Variants in ATXN1 observed in about 807,000 individuals in gnomAD.
ATXN1 encodes the protein ataxin 1, also known as ataxin-1.
In ATXN1, 8 loss-of-function variants were observed where a neutral mutation model predicts 56.4. That is an observed-to-expected ratio of 0.14 (90% CI 0.08 to 0.26). The LOEUF is 0.26. Among genes scored for constraint, ATXN1 ranks in the 10% least tolerant of loss-of-function variants. The probability of loss-of-function intolerance (pLI) is 1.00; values close to 1 mark genes in which losing one functional copy is unlikely to be tolerated. For synonymous variants in ATXN1, 514 were observed against 494.6 expected, an observed-to-expected ratio of 1.04 and a Z score of -0.52; for missense variants, 987 against 1,106.5, an observed-to-expected ratio of 0.89 and a Z score of 1.53.
chr6:16,674,731 G>T (rs1323253934), intron 2 of ATXN1, among the ~76,000 whole-genome samples: 2 of 151,972 alleles, frequency 1.3e-5, no homozygotes, highest in Non-Finnish European at 2.9e-5. Flanking sequence ...CAATCAGAAG[G>T]TTTAGCACAG....
intron 7 of ATXN1, among the ~76,000 whole-genome samples, chr6:16,316,146 T>C (rs1760503905): frequency 1.3e-5 from 2 of 152,144 alleles, no homozygotes; most frequent in Admixed American, 1.3e-4. Flanking sequence ...CATAGGAGCG[T>C]GAACCCTATT....
chr6:16,577,068 G>C (rs1050888063), intron 4 of ATXN1, among the ~76,000 whole-genome samples: 2 of 152,132 alleles, frequency 1.3e-5, no homozygotes, highest in Non-Finnish European at 2.9e-5. Flanking sequence ...TCTTCATCAT[G>C]TGGCATGCTA....
intron 6 of ATXN1, among the ~76,000 whole-genome samples, chr6:16,330,069 T>TTTTC (rs10588280): frequency 0.011 from 1,658 of 151,414 alleles, 11 homozygotes; most frequent in South Asian, 0.031. Flanking sequence ...AATGATCTGA[T>TTTTC]TTTCTTTCTT....
At chr6:16,461,634 C>T (rs1044989110) in intron 6 of ATXN1, among the ~76,000 whole-genome samples, 1 of 152,160 alleles carries the variant, frequency 6.6e-6, no homozygotes, top group Non-Finnish European at 1.5e-5. Context: ...CCCTGCAAGA[C>T]GGAGAAGGCT....
At chr6:16,396,458 T>C (rs530751825) in intron 6 of ATXN1, among the ~76,000 whole-genome samples, 1 of 152,240 alleles carries the variant, frequency 6.6e-6, no homozygotes, top group Non-Finnish European at 1.5e-5. Flanking sequence ...AAAGAAAATA[T>C]TCTTGTACAG....
At chr6:16,358,195 C>G (rs774525782) in intron 6 of ATXN1, among the ~76,000 whole-genome samples, 7 of 152,180 alleles carry the variant, frequency 4.6e-5, no homozygotes, top group Admixed American at 4.6e-4. Context: ...AACGGGAACA[C>G]TTTTACATTG....
intron 6 of ATXN1, among the ~76,000 whole-genome samples, chr6:16,393,100 A>G (rs897328870): frequency 6.6e-6 from 1 of 152,204 alleles, no homozygotes; most frequent in African/African-American, 2.4e-5. Context: ...GCAAAACACA[A>G]GCACATATTG....
chr6:16,408,992 A>G (rs897452344), intron 6 of ATXN1, among the ~76,000 whole-genome samples: 14 of 152,232 alleles, frequency 9.2e-5, no homozygotes, highest in Admixed American at 2.6e-4. Context: ...GACTGAACAA[A>G]TAAAAAGAAT....
intron 3 of ATXN1, among the ~76,000 whole-genome samples, chr6:16,629,929 A>T (rs1391253658): frequency 1.3e-5 from 2 of 151,704 alleles, no homozygotes; most frequent in Admixed American, 1.3e-4. Flanking sequence ...AAAAAAAAAA[A>T]ATTCAAAAAT....
At chr6:16,361,912 A>G (rs1482172373) in intron 6 of ATXN1, among the ~76,000 whole-genome samples, 1 of 152,216 alleles carries the variant, frequency 6.6e-6, no homozygotes, top group Non-Finnish European at 1.5e-5. Flanking sequence ...GGCTGTGGGC[A>G]TGTGGCCATA....
At chr6:16,569,343 A>C (rs994273883) in intron 4 of ATXN1, among the ~76,000 whole-genome samples, 1 of 152,016 alleles carries the variant, frequency 6.6e-6, no homozygotes, top group Non-Finnish European at 1.5e-5. Flanking sequence ...ACATGGTGAA[A>C]CCTCGTCTCT....
At chr6:16,488,721 T>C (rs900398847) in intron 5 of ATXN1, among the ~76,000 whole-genome samples, 2 of 152,146 alleles carry the variant, frequency 1.3e-5, no homozygotes, top group African/African-American at 4.8e-5. Flanking sequence ...CTGAAACAAA[T>C]ATGCCAAACT....
At chr6:16,441,655 A>G (rs1411109076) in intron 6 of ATXN1, among the ~76,000 whole-genome samples, 5 of 152,224 alleles carry the variant, frequency 3.3e-5, no homozygotes, top group Admixed American at 6.5e-5. Flanking sequence ...GGAGAAAAGA[A>G]ATAGTTGGAT....
chr6:16,415,422 G>A (rs1430151126), intron 6 of ATXN1, among the ~76,000 whole-genome samples: 1 of 152,190 alleles, frequency 6.6e-6, no homozygotes, highest in Non-Finnish European at 1.5e-5. Flanking sequence ...GAGAGATGGG[G>A]TTTGGCCATG....
rs572397888 is a variant in ATXN1, at chr6:16,702,534, C to T, written c.-614-44633G>A. ...TCTGCACAGCCAAAGAAACTACCAT[C>T]GGAGTGAACAGGCAACCTACAGAAT... On this transcript the variant is annotated intron_variant, in intron 2 of 7. Transcript: ENST00000436367. 9.2e-5 allele frequency among the ~76,000 whole-genome samples: 14 copies of T among 152,288 alleles called. No homozygotes were observed. The East Asian group carries it at 1.9e-3, about 21-fold the overall frequency.
In ATXN1 at chr6:16,750,409, A is replaced by G. The variant is rs578204398; in HGVS notation, c.-615+2824T>C. On this transcript the variant is annotated intron_variant, in intron 2 of 7. Transcript: ENST00000436367. ...ATTTATAAAATAACTAGAACCAGAAAGAACTATAATGTAGGTTTAAGAAAA... is the reference window on the plus strand; with the variant it reads ...ATTTATAAAATAACTAGAACCAGAAGGAACTATAATGTAGGTTTAAGAAAA... Among the ~76,000 whole-genome samples, 42 of 152,372 alleles carry G rather than the reference A, an allele frequency of 2.8e-4. 1 individual carries two copies. In the South Asian group the frequency reaches 8.5e-3, roughly 31 times the overall value.
intron 2 of ATXN1, among the ~76,000 whole-genome samples, chr6:16,724,416 T>C (rs1001779328): frequency 7.2e-5 from 11 of 152,158 alleles, no homozygotes; most frequent in Admixed American, 5.2e-4. Context: ...GTATCTTTCA[T>C]GACAATGGCC....
chr6:16,623,777 TG>T (rs1763359889), intron 3 of ATXN1, among the ~76,000 whole-genome samples: 1 of 152,236 alleles, frequency 6.6e-6, no homozygotes, highest in South Asian at 2.1e-4. Flanking sequence ...AAAAAAGGAT[TG>T]GTTTTACTGT....
intron 2 of ATXN1, among the ~76,000 whole-genome samples, chr6:16,740,928 C>A (rs1760318838): frequency 6.6e-6 from 1 of 152,184 alleles, no homozygotes. Context: ...TTCACCATTC[C>A]AGCTCCATCT....
Sources: allele counts gnomAD v4.1 joint callset (sites outside exome capture counted in the v4.1 genomes callset), GRCh38; gene constraint gnomAD v4.1.1; transcripts MANE v1.5; gene names NCBI Gene and HGNC (gene_info 2026-07-23, HGNC 2026-07-21).